Variants in SYNE1 observed in about 807,000 individuals in gnomAD.
SYNE1 encodes the protein spectrin repeat containing nuclear envelope protein 1, also known as nesprin-1.
A neutral mutation model predicts 1,111.0 loss-of-function variants in SYNE1; 616 were observed. The observed-to-expected ratio is 0.55, with a 90% CI of 0.52 to 0.59. The LOEUF is 0.59. Ranked by LOEUF, SYNE1 falls within the 20% of genes least tolerant of loss-of-function variation. The pLI is 0.00. For synonymous variants in SYNE1, 3,855 were observed against 3,825.8 expected, an observed-to-expected ratio of 1.01 and a Z score of -0.28; for missense variants, 10,006 against 10,417.0, an observed-to-expected ratio of 0.96 and a Z score of 1.72.
chr6:152,252,759 G>A (rs1176846604), intron 104 of SYNE1, among the ~76,000 whole-genome samples: 1 of 152,190 alleles, frequency 6.6e-6, no homozygotes, highest in Non-Finnish European at 1.5e-5. Flanking sequence ...ATTTTGAAAT[G>A]TCTTTTTGTT....
intron 66 of SYNE1, 45 bp from the exon 67 acceptor site, chr6:152,355,021 AC>A: frequency 6.2e-7 from 1 of 1,604,928 alleles, no homozygotes; most frequent in Non-Finnish European, 8.5e-7. Flanking sequence ...CATATTTCAC[AC>A]TTGCATGGGT....
chr6:152,623,821 T>C (rs1199522862), intron 3 of SYNE1, among the ~76,000 whole-genome samples: 1 of 152,166 alleles, frequency 6.6e-6, no homozygotes, highest in Non-Finnish European at 1.5e-5. Context: ...GCCAAGCTTT[T>C]TCTTTTCCAA....
At chr6:152,310,306 A>G (rs1321300261) in intron 89 of SYNE1, 90 bp downstream of exon 89, 1 of 1,534,416 alleles carries the variant, frequency 6.5e-7, no homozygotes, top group Non-Finnish European at 8.9e-7. Context: ...AAAATAAAAC[A>G]GTGTTGAGTT....
intron 3 of SYNE1, among the ~76,000 whole-genome samples, chr6:152,596,133 T>TTGTGATC (rs1650939828): frequency 8.5e-6 from 1 of 117,786 alleles, no homozygotes; most frequent in Non-Finnish European, 1.9e-5. Context: ...AAAAAGCCTC[T>TTGTGATC]TGTGATCTGT....
At chr6:152,373,595 T>C (rs2097226593) in intron 58 of SYNE1, among the ~76,000 whole-genome samples, 1 of 152,168 alleles carries the variant, frequency 6.6e-6, no homozygotes, top group South Asian at 2.1e-4. Flanking sequence ...TATTTCTTAA[T>C]AAAGTCAAAG....
At chr6:152,143,501 C>G in intron 138 of SYNE1, 122 bp downstream of exon 138, 1 of 1,428,984 alleles carries the variant, frequency 7.0e-7, no homozygotes, top group Non-Finnish European at 9.8e-7. Context: ...TCCAGGTTCA[C>G]GAGTTCAAGG....
intron 3 of SYNE1, among the ~76,000 whole-genome samples, chr6:152,594,993 G>A (rs980020537): frequency 1.3e-5 from 2 of 152,174 alleles, no homozygotes; most frequent in African/African-American, 4.8e-5. Flanking sequence ...ACCATTGCTA[G>A]TTTACACCCT....
intron 3 of SYNE1, among the ~76,000 whole-genome samples, chr6:152,624,524 C>T (rs896881512): frequency 1.3e-5 from 2 of 152,042 alleles, no homozygotes; most frequent in Non-Finnish European, 2.9e-5. Context: ...AAATGGATCC[C>T]CTTTAGTTGG....
At chr6:152,353,864 T>A in intron 67 of SYNE1, 120 bp from the exon 68 acceptor site, 1 of 1,310,242 alleles carries the variant, frequency 7.6e-7, no homozygotes, top group Non-Finnish European at 1.1e-6. Flanking sequence ...TTTTGAGATT[T>A]AATTTTGAAA....
In SYNE1 at chr6:152,284,072, G is replaced by T. The variant is rs752183118; in HGVS notation, c.18113C>A (p.Ala6038Glu). ...LVSESCEADP[A>E]EQLALQSTLT... ...CGTGGACTGCAAGGCCAGCTGCTCCGCAGGGTCGGCCTCACAAGACTCGGA... is the reference window on the plus strand; with the variant it reads ...CGTGGACTGCAAGGCCAGCTGCTCCTCAGGGTCGGCCTCACAAGACTCGGA... Residue 6038 changes from alanine to glutamate, a missense_variant, in exon 96 of 146, where the codon GCG becomes GAG. Around this residue, in one of 7 missense-constraint regions of SYNE1, gnomAD observed 4,955 missense variants for 5,017.2 expected, o/e 0.99. Transcript: ENST00000367255. 3.7e-6 allele frequency: 6 copies of T among 1,614,020 alleles called. No homozygotes were observed. Among genetic ancestry groups the T allele is most frequent in the Non-Finnish European group, 4.2e-6 (5 of 1,180,016 alleles).
At position 152,376,427 on chromosome 6, in the gene SYNE1, A is replaced by G; in HGVS notation, c.9278T>C (p.Ile3093Thr). The G allele has an allele frequency of 6.2e-7, 1 of 1,614,222 alleles. No homozygotes were observed. The highest frequency in any genetic ancestry group is 8.5e-7 in the Non-Finnish European group (1 of 1,180,042). ...AKITTAKCFDIPQNISEVSTS... is the reference protein window; with the variant it reads ...AKITTAKCFDTPQNISEVSTS... ...TGAAACTTCACTTATATTTTGAGGT[A>G]TATCAAAACACTTGGCGGTAGTGAT... The change falls in exon 58 of 146, where the codon ATA becomes ACA. Residue 3093 changes from isoleucine to threonine, a missense_variant. Physicochemically the swap from Ile to Thr is moderately conservative, Grantham distance 89. Around this residue, in one of 7 missense-constraint regions of SYNE1, gnomAD observed 4,955 missense variants for 5,017.2 expected, o/e 0.99. Transcript: ENST00000367255.
At chr6:152,465,925 G>T in intron 17 of SYNE1, 57 bp downstream of exon 17, 1 of 1,240,428 alleles carries the variant, frequency 8.1e-7, no homozygotes, top group Non-Finnish European at 1.2e-6. Flanking sequence ...ATAGAAACCT[G>T]CAGGCTCTAA....
Position 152,407,040 on chromosome 6 carries a change from C to G in SYNE1, c.6697G>C (p.Ala2233Pro). 2 of 1,613,644 alleles carry G rather than the reference C, an allele frequency of 1.2e-6. No individual in the cohort carries two copies. Among genetic ancestry groups the G allele is most frequent in the Non-Finnish European group, 1.7e-6 (2 of 1,179,964 alleles). ...NISNLDNHLR[A>P]EELLKEFESE... Reference sequence around the variant, plus strand: ...TCAAATTCTTTAAGCAGTTCTTCAGCTCTGAGGTGGTTATCCAGGTTGCTG... The same window carrying G: ...TCAAATTCTTTAAGCAGTTCTTCAGGTCTGAGGTGGTTATCCAGGTTGCTG... Residue 2233 changes from alanine (A) to proline (P), a missense_variant, in exon 45 of 146, where the codon GCT becomes CCT. By Grantham distance (27) the Ala-to-Pro change is conservative. This residue lies in a region of SYNE1 where 4,955 missense variants were observed against 5,017.2 expected (regional missense o/e 0.99). Transcript: ENST00000367255.
chr6:152,125,164 G>T, intron 145 of SYNE1: 2 of 1,396,184 alleles, frequency 1.4e-6, no homozygotes, highest in Non-Finnish European at 9.6e-7. Context: ...AGGGACTCAG[G>T]CTTCCAAAAT....
chr6:152,408,618 T>A (rs576302398), intron 44 of SYNE1, among the ~76,000 whole-genome samples: 1 of 152,170 alleles, frequency 6.6e-6, no homozygotes, highest in African/African-American at 2.4e-5. Flanking sequence ...GTGAGCACGG[T>A]TTTTCCTCAG....
intron 3 of SYNE1, among the ~76,000 whole-genome samples, chr6:152,561,177 C>T (rs1245509438): frequency 6.6e-6 from 1 of 151,890 alleles, no homozygotes. Context: ...ACCCTAGACT[C>T]CACCAAAAAA....
intron 12 of SYNE1, among the ~76,000 whole-genome samples, chr6:152,488,014 G>A (rs957867445): frequency 2.7e-5 from 4 of 150,792 alleles, no homozygotes; most frequent in African/African-American, 9.8e-5. Context: ...GGCAGAGCTT[G>A]CAGTGATCCA....
chr6:152,368,660 C>A (rs902508592), intron 61 of SYNE1: 4 of 300,318 alleles, frequency 1.3e-5, no homozygotes, highest in Non-Finnish European at 2.5e-5. Context: ...TTTGAGTCTT[C>A]CAAATCAAAG....
chr6:152,164,776 C>A (rs1186050560), intron 130 of SYNE1, among the ~76,000 whole-genome samples: 1 of 152,140 alleles, frequency 6.6e-6, no homozygotes, highest in Middle Eastern at 3.4e-3. Context: ...CTATTAGTGC[C>A]CTTATTTAAA....
Sources: gnomAD v4.1 joint callset for allele counts (sites outside exome capture counted in the v4.1 genomes callset) on GRCh38, gnomAD v4.1.1 for gene constraint, gnomAD v4.1.1 regional missense constraint, MANE v1.5 for transcripts, NCBI Gene and HGNC (gene_info 2026-07-23, HGNC 2026-07-21) for gene names.